PIGL: variants seen among roughly 807,000 people sequenced by gnomAD.
PIGL encodes the protein N-acetylglucosaminyl-phosphatidylinositol de-N-acetylase.
Under a neutral mutation model 31.1 loss-of-function variants are expected in PIGL, and 22 were observed. The ratio of observed to expected loss-of-function variants is 0.71; its 90% CI spans 0.51 to 1.01. The LOEUF is 1.01. PIGL is among the 50% of genes least tolerant of loss of function. PIGL has a pLI of 0.00. For synonymous variants in PIGL, 131 were observed against 117.4 expected, an observed-to-expected ratio of 1.12 and a Z score of -0.75; for missense variants, 302 against 315.9, an observed-to-expected ratio of 0.96 and a Z score of 0.33.
At chr17:16,258,546 C>T (rs1371220170) in intron 2 of PIGL, among the ~76,000 whole-genome samples, 1 of 151,284 alleles carries the variant, frequency 6.6e-6, no homozygotes, top group East Asian at 1.9e-4. Context: ...TGCTGTTGCC[C>T]AGGCTGGAGT....
chr17:16,222,243 G>A (rs928002258), intron 1 of PIGL, among the ~76,000 whole-genome samples: 1 of 151,926 alleles, frequency 6.6e-6, no homozygotes, highest in South Asian at 2.1e-4. Context: ...CTTTTCAGGG[G>A]TTTAGATTAA....
At chr17:16,235,648 A>G (rs2092696590) in intron 2 of PIGL, among the ~76,000 whole-genome samples, 1 of 150,292 alleles carries the variant, frequency 6.7e-6, no homozygotes. Context: ...GGGTTTCACC[A>G]TATTGGCCAG....
intron 2 of PIGL, among the ~76,000 whole-genome samples, chr17:16,283,751 C>T (rs763068859): frequency 6.6e-5 from 10 of 152,216 alleles, no homozygotes; most frequent in Non-Finnish European, 1.3e-4. Context: ...TACAAAAGCT[C>T]TTATTGAATT....
At chr17:16,315,757 C>A (rs1171063764) in intron 4 of PIGL, among the ~76,000 whole-genome samples, 1 of 129,648 alleles carries the variant, frequency 7.7e-6, no homozygotes, top group Non-Finnish European at 1.6e-5. Flanking sequence ...GCTCTGTCAC[C>A]CAGGCTGGTG....
rs139910376 is a variant in PIGL at position 16,219,068 on chromosome 17, T to TCC, written c.235+1607_235+1608insCC. ...CATTGACTGACATTTTTTATAAATT[T>TCC]TTTTTTTTTTTTTTTTGAGACGGAG... On this transcript the variant is annotated intron_variant, in intron 1 of 6. Coordinates refer to ENST00000225609, the MANE Select transcript of PIGL (RefSeq NM_004278.4). Among the ~76,000 whole-genome samples the TCC allele has an allele frequency of 1.6e-4, 6 of 38,442 alleles. No homozygotes were observed. In the Admixed American group the frequency reaches 1.6e-3, roughly 10 times the overall value. The allele number at this position is 38,442 out of a possible 152,430, so 25.2% of individuals were successfully genotyped here. A position where few individuals can be genotyped will look rare whatever the true frequency, so the allele number is the denominator to read the frequency against.
intron 2 of PIGL, among the ~76,000 whole-genome samples, chr17:16,286,068 T>G (rs1033297711): frequency 6.6e-6 from 1 of 152,232 alleles, no homozygotes; most frequent in Non-Finnish European, 1.5e-5. Flanking sequence ...TACTGACCTT[T>G]GCTCGCTTTG....
chr17:16,237,475 C>A (rs1470059865), intron 2 of PIGL, among the ~76,000 whole-genome samples: 1 of 151,128 alleles, frequency 6.6e-6, no homozygotes, highest in Admixed American at 6.6e-5. Context: ...GTTAATATTT[C>A]AGGGGTTTTG....
At chr17:16,236,926 T>C (rs1472595809) in intron 2 of PIGL, among the ~76,000 whole-genome samples, 1 of 151,718 alleles carries the variant, frequency 6.6e-6, no homozygotes, top group Admixed American at 6.6e-5. Context: ...AGAGCTAAGA[T>C]GTATGTTTTT....
At chr17:16,232,915 C>G (rs968458366) in intron 1 of PIGL, among the ~76,000 whole-genome samples, 2 of 152,016 alleles carry the variant, frequency 1.3e-5, no homozygotes, top group Non-Finnish European at 2.9e-5. Flanking sequence ...GTCAGGAGTT[C>G]AAGACCAGCC....
rs1555852350 is a variant in PIGL at position 16,252,067 on chromosome 17, T to TTTTTTTTTC, written c.335+18005_335+18006insCTTTTTTTT. Among the ~76,000 whole-genome samples the TTTTTTTTTC allele has an allele frequency of 6.8e-5, 4 of 58,726 alleles. No homozygotes were observed. The South Asian group carries it at 1.2e-3, about 18-fold the overall frequency. 38.5% of individuals were successfully genotyped at this position (58,726 alleles called of 152,430 possible). Reference sequence around the variant, plus strand: ...CTATGCGCAGATAATTTTTTTTTCCTTTTTTTTTTTTTCTTTTTTTTTGTT... The same window carrying TTTTTTTTTC: ...CTATGCGCAGATAATTTTTTTTTCCTTTTTTTTTCTTTTTTTTTTTTCTTTTTTTTTGTT... On this transcript the variant is annotated intron_variant, in intron 2 of 6. Transcript: ENST00000225609.
At chr17:16,300,150 C>T in intron 3 of PIGL, 172 bp downstream of exon 3, 1 of 591,764 alleles carries the variant, frequency 1.7e-6, no homozygotes. Context: ...GAAGAACAAA[C>T]ACACCTTTTG....
At position 16,326,093 on chromosome 17, in the gene PIGL, C is replaced by A; in HGVS notation, c.*195C>A. ...TTCCCCTGGGAAAAAACCCAAAGAACCAAAAACAAACCACCCCAAGGATAA... is the reference window on the plus strand; with the variant it reads ...TTCCCCTGGGAAAAAACCCAAAGAAACAAAAACAAACCACCCCAAGGATAA... On this transcript the variant is annotated 3_prime_UTR_variant, in exon 7 of 7. Transcript: ENST00000225609. 1.8e-6 allele frequency: 1 copy of A among 567,952 alleles called. No homozygotes were observed. Among genetic ancestry groups the A allele is most frequent in the African/African-American group, 1.9e-5 (1 of 53,222 alleles). The allele number at this position is 567,952 out of a possible 1,614,324, so 35.2% of individuals were successfully genotyped here.
chr17:16,304,003 T>G (rs1381576469), intron 3 of PIGL, among the ~76,000 whole-genome samples: 1 of 152,186 alleles, frequency 6.6e-6, no homozygotes, highest in East Asian at 1.9e-4. Context: ...TGTAAGCCAC[T>G]GCGCCCGGCC....
intron 2 of PIGL, among the ~76,000 whole-genome samples, chr17:16,293,477 G>A (rs1026158375): frequency 1.1e-4 from 16 of 152,162 alleles, no homozygotes; most frequent in Non-Finnish European, 1.0e-4. Context: ...GCAGTGAGCC[G>A]AGATCGCACC....
At chr17:16,237,926 A>C (rs994769148) in intron 2 of PIGL, among the ~76,000 whole-genome samples, 1 of 151,204 alleles carries the variant, frequency 6.6e-6, no homozygotes, top group Admixed American at 6.6e-5. Flanking sequence ...GGCCGGGCGC[A>C]TTGGCTCACG....
chr17:16,223,931 A>G (rs2092640390), intron 1 of PIGL, among the ~76,000 whole-genome samples: 1 of 151,936 alleles, frequency 6.6e-6, no homozygotes. Flanking sequence ...TAAAAGCTAC[A>G]CTAGGCCAGA....
At chr17:16,274,580 G>A (rs542693524) in intron 2 of PIGL, among the ~76,000 whole-genome samples, 30 of 151,754 alleles carry the variant, frequency 2.0e-4, no homozygotes, top group African/African-American at 6.5e-4. Context: ...AAAATTAGCC[G>A]GGCGTGGTGG....
At position 16,326,381 on chromosome 17, in the gene PIGL, G is replaced by C. The variant is rs1156840546; in HGVS notation, c.*483G>C. 6.3e-6 allele frequency: 1 copy of C among 157,980 alleles called. No individual in the cohort carries two copies. The highest frequency in any genetic ancestry group is 2.4e-5 in the African/African-American group (1 of 41,460). 9.8% of individuals were successfully genotyped at this position (157,980 alleles called of 1,614,324 possible). A position where few individuals can be genotyped will look rare whatever the true frequency, so the allele number is the denominator to read the frequency against. On this transcript the variant is annotated 3_prime_UTR_variant, in exon 7 of 7. Coordinates refer to ENST00000225609, the MANE Select transcript of PIGL (RefSeq NM_004278.4). ...TTGATTTTTCTTGTATCAGAATGTGGGTCTAGGAAAAACTTGCTCTATTTA... is the reference window on the plus strand; with the variant it reads ...TTGATTTTTCTTGTATCAGAATGTGCGTCTAGGAAAAACTTGCTCTATTTA...
At chr17:16,253,098 G>C (rs1377616444) in intron 2 of PIGL, among the ~76,000 whole-genome samples, 1 of 152,080 alleles carries the variant, frequency 6.6e-6, no homozygotes, top group South Asian at 2.1e-4. Context: ...ATGCCTGGCT[G>C]AGGCGGGTGG....
Sources: allele counts gnomAD v4.1 joint callset (sites outside exome capture counted in the v4.1 genomes callset), GRCh38; gene constraint gnomAD v4.1.1; transcripts MANE v1.5; gene names NCBI Gene and HGNC (gene_info 2026-07-23, HGNC 2026-07-21).